Variants in DNAAF5 observed in about 807,000 individuals in gnomAD.
DNAAF5 encodes the protein dynein axonemal assembly factor 5, also known as HEAT repeat containing 2.
A neutral mutation model predicts 75.8 loss-of-function variants in DNAAF5; 64 were observed. That is an observed-to-expected ratio of 0.84 (90% CI 0.69 to 1.04). The LOEUF is 1.04. DNAAF5 is among the 50% of genes least tolerant of loss of function. The pLI, the probability that DNAAF5 is intolerant of heterozygous loss-of-function variation, is 0.00. For missense variants in DNAAF5, 1,269 were observed against 1,178.5 expected, an observed-to-expected ratio of 1.08 and a Z score of -1.12; for synonymous variants, 657 against 557.2, an observed-to-expected ratio of 1.18 and a Z score of -2.52.
At chr7:745,768 C>T (rs1027637662) in intron 4 of DNAAF5, among the ~76,000 whole-genome samples, 1 of 152,246 alleles carries the variant, frequency 6.6e-6, no homozygotes, top group African/African-American at 2.4e-5. Flanking sequence ...ACATCCTGCC[C>T]TACCCCGCCA....
At chr7:767,462 C>G (rs1778349272) in intron 8 of DNAAF5, among the ~76,000 whole-genome samples, 1 of 152,102 alleles carries the variant, frequency 6.6e-6, no homozygotes, top group Non-Finnish European at 1.5e-5. Flanking sequence ...GCTATGCACC[C>G]AAAAATATGC....
chr7:760,486 T>C (rs151172722), intron 6 of DNAAF5, among the ~76,000 whole-genome samples: 1 of 152,320 alleles, frequency 6.6e-6, no homozygotes, highest in Non-Finnish European at 1.5e-5. Context: ...AGAGGGACGT[T>C]ATAAGAAGTA....
Position 774,235 on chromosome 7 carries a change from G to C in DNAAF5, c.2082+37G>C, listed in dbSNP as rs1334049766. Reference sequence around the variant, plus strand: ...CCTGCGTGCTCGGTGGACACCGGCCGGGGACTGCGCAGGCTTCCTGGCGCC... The same window carrying C: ...CCTGCGTGCTCGGTGGACACCGGCCCGGGACTGCGCAGGCTTCCTGGCGCC... On this transcript the variant is annotated intron_variant, in intron 10 of 12. Transcript: ENST00000297440. 2.6e-6 allele frequency: 4 copies of C among 1,564,652 alleles called. No individual in the cohort carries two copies. The East Asian group carries it at 9.0e-5, about 35-fold the overall frequency.
intron 8 of DNAAF5, among the ~76,000 whole-genome samples, chr7:767,904 C>T (rs983428254): frequency 6.1e-5 from 9 of 146,932 alleles, no homozygotes; most frequent in Non-Finnish European, 1.2e-4. Context: ...GTCCCTGCTG[C>T]AAGCAGGAGC....
chr7:734,038 A>G (rs1330305944), intron 2 of DNAAF5, among the ~76,000 whole-genome samples: 1 of 152,148 alleles, frequency 6.6e-6, no homozygotes, highest in Non-Finnish European at 1.5e-5. Flanking sequence ...CAAATGTAAG[A>G]TTATATCATC....
At chr7:760,000 TC>T (rs1192385515) in intron 6 of DNAAF5, among the ~76,000 whole-genome samples, 1 of 152,078 alleles carries the variant, frequency 6.6e-6, no homozygotes, top group Non-Finnish European at 1.5e-5. Flanking sequence ...TAAAAACAAA[TC>T]TGTGGCTTCT....
intron 2 of DNAAF5, 135 bp downstream of exon 2, chr7:729,982 C>G (rs985873632): frequency 2.0e-5 from 16 of 810,232 alleles, no homozygotes; most frequent in Middle Eastern, 4.9e-4. Context: ...TTCCTAGTCA[C>G]AGGACGTTCC....
chr7:750,418 T>C (rs1583491662), intron 4 of DNAAF5, among the ~76,000 whole-genome samples: 1 of 152,206 alleles, frequency 6.6e-6, no homozygotes, highest in East Asian at 1.9e-4. Flanking sequence ...CCCTGCCATT[T>C]TGGCACCAGG....
At chr7:739,996 C>T (rs1453995741) in intron 2 of DNAAF5, among the ~76,000 whole-genome samples, 1 of 152,156 alleles carries the variant, frequency 6.6e-6, no homozygotes, top group African/African-American at 2.4e-5. Context: ...TCCTGCTCCC[C>T]ACGGCCCAGC....
At chr7:758,993 C>A (rs1322324987) in intron 6 of DNAAF5, among the ~76,000 whole-genome samples, 1 of 152,088 alleles carries the variant, frequency 6.6e-6, no homozygotes, top group East Asian at 1.9e-4. Flanking sequence ...CCATTTTACT[C>A]CTTAACAGAC....
chr7:758,559 G>A lies in DNAAF5; in HGVS notation c.1470+1565G>A, dbSNP rs141816405. On this transcript the variant is annotated intron_variant, in intron 6 of 12. Transcript: ENST00000297440. ...GCCAGTCACAGTGAAAACCCAAGAC[G>A]TACATTTCACTCCTTTCTTGTTTTT... is the stretch of plus-strand genomic sequence containing the variant. Among the ~76,000 whole-genome samples, 1,136 of 152,332 alleles carry A rather than the reference G, an allele frequency of 7.5e-3. 9 individuals carry two copies. The highest frequency in any genetic ancestry group is 0.025 in the African/African-American group (1,031 of 41,566).
At chr7:777,727 A>ACT (rs1778810293) in intron 11 of DNAAF5, among the ~76,000 whole-genome samples, 1 of 152,194 alleles carries the variant, frequency 6.6e-6, no homozygotes, top group Non-Finnish European at 1.5e-5. Context: ...GGAACTTCAC[A>ACT]CTCTGTGTAC....
rs77251857 is a variant in DNAAF5, at chr7:740,518, A to G, written c.781-301A>G. On this transcript the variant is annotated intron_variant, in intron 2 of 12. Transcript: ENST00000297440. ...AGCAGCTGGGAGCCTGCTCTCGCCA[A>G]CAGGACCAGGCCGGGGCACGGGGTA... Among the ~76,000 whole-genome samples the G allele has an allele frequency of 0.015, 2,245 of 152,328 alleles. 35 individuals are homozygous for G. The highest frequency in any genetic ancestry group is 0.11 in the East Asian group (576 of 5,162).
intron 1 of DNAAF5, among the ~76,000 whole-genome samples, chr7:728,222 C>G (rs1334233233): frequency 6.6e-6 from 1 of 152,096 alleles, no homozygotes; most frequent in Non-Finnish European, 1.5e-5. Context: ...GGAATGATAG[C>G]AGGCGCCTGC....
chr7:760,207 C>T (rs1163934977), intron 6 of DNAAF5, among the ~76,000 whole-genome samples: 2 of 152,174 alleles, frequency 1.3e-5, no homozygotes, highest in Admixed American at 1.3e-4. Flanking sequence ...TGCTGTAGTA[C>T]AGTGGGAGTG....
At chr7:732,485 T>C (rs1178132671) in intron 2 of DNAAF5, 1 of 454,498 alleles carries the variant, frequency 2.2e-6, no homozygotes, top group African/African-American at 2.0e-5. Context: ...GCTCGATGTG[T>C]GCTGCTGGTG....
intron 6 of DNAAF5, among the ~76,000 whole-genome samples, chr7:759,508 G>T (rs1219183242): frequency 1.3e-5 from 2 of 152,150 alleles, no homozygotes; most frequent in Admixed American, 6.5e-5. Flanking sequence ...GGAGTCTCTT[G>T]TGCTTTTCTG....
At chr7:757,123 G>A (rs1782510493) in intron 6 of DNAAF5, 129 bp downstream of exon 6, 18 of 865,370 alleles carry the variant, frequency 2.1e-5, no homozygotes, top group African/African-American at 3.4e-5. Context: ...ACCCAGCGAC[G>A]TGTCTGTGGG....
At chr7:783,815 C>G (rs73260384) in intron 12 of DNAAF5, among the ~76,000 whole-genome samples, 28 of 152,206 alleles carry the variant, frequency 1.8e-4, no homozygotes, top group African/African-American at 6.3e-4. Flanking sequence ...CTGAGCTTCT[C>G]CTACTCTCAG....
Sources: gnomAD v4.1 joint callset for allele counts (sites outside exome capture counted in the v4.1 genomes callset) on GRCh38, gnomAD v4.1.1 for gene constraint, MANE v1.5 for transcripts, NCBI Gene and HGNC (gene_info 2026-07-23, HGNC 2026-07-21) for gene names.